The following LAMA5 variants were observed in gnomAD, a reference collection of about 807,000 sequenced individuals.
The protein encoded by LAMA5 is laminin subunit alpha 5.
Under a neutral mutation model 433.4 loss-of-function variants are expected in LAMA5, and 260 were observed. The ratio of observed to expected loss-of-function variants is 0.60; its 90% CI spans 0.54 to 0.66. The LOEUF is 0.66. Among genes scored for constraint, LAMA5 ranks in the 30% least tolerant of loss-of-function variants. The probability of loss-of-function intolerance (pLI) is 0.00; values close to 1 mark genes in which losing one functional copy is unlikely to be tolerated. For missense variants in LAMA5, 5,378 were observed against 5,258.5 expected, an observed-to-expected ratio of 1.02 and a Z score of -0.70; for synonymous variants, 2,620 against 2,226.6, an observed-to-expected ratio of 1.18 and a Z score of -4.97.
intron 18 of LAMA5, among the ~76,000 whole-genome samples, chr20:62,335,914 A>T (rs1244204009): frequency 2.4e-5 from 3 of 126,254 alleles, no homozygotes; most frequent in Non-Finnish European, 4.9e-5. Context: ...AATCCCGAGG[A>T]ACCCCACACC....
intron 2 of LAMA5, among the ~76,000 whole-genome samples, chr20:62,356,018 C>T (rs1055398506): frequency 1.3e-5 from 2 of 152,362 alleles, no homozygotes; most frequent in Non-Finnish European, 2.9e-5. Flanking sequence ...CCTCCCTCCC[C>T]TTCAGCAGGC....
chr20:62,367,106 G>C lies in LAMA5; in HGVS notation c.140C>G (p.Pro47Arg). 1 of 1,277,974 alleles carries C rather than the reference G, an allele frequency of 7.8e-7. No individual in the cohort carries two copies. The highest frequency in any genetic ancestry group is 9.9e-7 in the Non-Finnish European group (1 of 1,015,118). The allele number at this position is 1,277,974 out of a possible 1,614,324, so 79.2% of individuals were successfully genotyped here. A position where few individuals can be genotyped will look rare whatever the true frequency, so the allele number is the denominator to read the frequency against. ...GCCCTCGGCCAGGTTGAAGTAGGGC[G>C]GGTGCAGGCTGAAGCCGCCGCCCGC... ...EEAGGGFSLH[P>R]PYFNLAEGAR... The change falls in exon 1 of 80, where the codon CCG becomes CGG. Residue 47 changes from proline (P) to arginine (R), a missense_variant. Physicochemically the swap from Pro to Arg is moderately radical, Grantham distance 103 (BLOSUM62 -2). Transcript: ENST00000252999.
At chr20:62,349,991 T>C (rs1173554279) in intron 6 of LAMA5, among the ~76,000 whole-genome samples, 2 of 151,378 alleles carry the variant, frequency 1.3e-5, no homozygotes, top group Admixed American at 6.6e-5. Flanking sequence ...AGGGAGAACA[T>C]GGGCAGGCTA....
At position 62,323,670 on chromosome 20, in the gene LAMA5, C is replaced by A. The variant is rs752532791; in HGVS notation, c.5850G>T (p.Arg1950=). Residue 1950 remains arginine (R), a splice_region_variant and synonymous_variant, in exon 45 of 80, where the codon CGG becomes CGT. Coordinates refer to ENST00000252999, the MANE Select transcript of LAMA5 (RefSeq NM_005560.6). The part of the protein sequence containing the change: ...KPGYAGASCE[R]CAPGFFGNPL... ...GGTTCCCAAAGAATCCGGGCGCACA[C>A]CTGGGAGCAGGGTGGGGAGGGGCCG... 6 of 1,606,112 alleles carry A rather than the reference C, an allele frequency of 3.7e-6. No individual in the cohort carries two copies. The South Asian group carries it at 6.6e-5, about 18-fold the overall frequency.
intron 16 of LAMA5, 46 bp from the exon 17 acceptor site, chr20:62,336,832 C>T (rs767283199): frequency 3.1e-6 from 5 of 1,597,960 alleles, no homozygotes; most frequent in East Asian, 4.5e-5. Context: ...GTGACCAACC[C>T]GGAAGGCCAA....
Position 62,310,212 on chromosome 20 carries a change from G to T in LAMA5, c.10700C>A (p.Pro3567His). 4 of 1,612,552 alleles carry T rather than the reference G, an allele frequency of 2.5e-6. No homozygotes were observed. The highest frequency in any genetic ancestry group is 2.5e-6 in the Non-Finnish European group (3 of 1,179,940). The change falls in exon 77 of 80, where the codon CCC becomes CAC. Residue 3567 changes from proline to histidine, a missense_variant. Transcript: ENST00000252999. The part of the protein sequence containing the change: ...LIFHLGQART[P>H]PYLQLQVTEK... ...GGTCACCTGCAACTGCAAGTAGGGGGGCGTCCGGGCCTGGCCCAAGTGGAA... is the reference window on the plus strand; with the variant it reads ...GGTCACCTGCAACTGCAAGTAGGGGTGCGTCCGGGCCTGGCCCAAGTGGAA...
At chr20:62,329,395 G>A (rs1568934322) in intron 32 of LAMA5, 142 bp from the exon 33 acceptor site, 1 of 649,238 alleles carries the variant, frequency 1.5e-6, no homozygotes, top group Non-Finnish European at 2.7e-6. Context: ...CCAGCCCTGG[G>A]CCCTGGCTGC....
At chr20:62,343,862 G>A (rs1318114295) in intron 11 of LAMA5, among the ~76,000 whole-genome samples, 1 of 147,144 alleles carries the variant, frequency 6.8e-6, no homozygotes, top group African/African-American at 2.5e-5. Flanking sequence ...ACACAATATC[G>A]TGCCAGGCAT....
chr20:62,352,289 T>C lies in LAMA5; in HGVS notation c.640A>G (p.Ile214Val), dbSNP rs1372198245. 1.2e-6 allele frequency: 2 copies of C among 1,600,474 alleles called. No individual in the cohort carries two copies. Among genetic ancestry groups the C allele is most frequent in the African/African-American group, 1.3e-5 (1 of 75,008 alleles). The change falls in exon 4 of 80, where the codon ATC (isoleucine) becomes GTC (valine). Residue 214 changes from isoleucine (I) to valine (V), a missense_variant. Ile to Val is a conservative substitution (Grantham distance 29). Transcript: ENST00000252999. ...LERITRDDAA[I>V]CTTEYSRIVP... ...ATGCGTGAGTACTCGGTGGTGCAGA[T>C]GGCCGCGTCGTCCCGTGTGATGCGC... is the stretch of plus-strand genomic sequence containing the variant.
In LAMA5 at chr20:62,322,180, G is replaced by A. The variant is rs1196155918; in HGVS notation, c.6347-12C>T. On this transcript the variant is annotated splice_polypyrimidine_tract_variant and intron_variant, in intron 47 of 79. Transcript: ENST00000252999. ...AGGGCACTGGCAGCCTGTGGTGGGG[G>A]GCTTGGGTGAGCATGGCTGGCCTGG... The A allele has an allele frequency of 3.2e-6, 5 of 1,586,256 alleles. No individual in the cohort carries two copies. The South Asian group carries it at 4.5e-5, about 14-fold the overall frequency.
intron 50 of LAMA5, 101 bp from the exon 51 acceptor site, chr20:62,319,896 G>C: frequency 1.3e-6 from 1 of 786,076 alleles, no homozygotes. Context: ...TCCCAGGGAA[G>C]AGGGGCCCCT....
At chr20:62,337,169 C>G (rs920611512) in intron 16 of LAMA5, among the ~76,000 whole-genome samples, 4 of 151,914 alleles carry the variant, frequency 2.6e-5, no homozygotes, top group African/African-American at 9.7e-5. Flanking sequence ...ACTTGAGACA[C>G]GCGATACGCG....
In LAMA5 at chr20:62,309,222, A is replaced by G; in HGVS notation, c.*114T>C. 9.5e-7 allele frequency: 1 copy of G among 1,053,146 alleles called. No homozygotes were observed. The highest frequency in any genetic ancestry group is 1.3e-6 in the Non-Finnish European group (1 of 756,832). 65.2% of individuals were successfully genotyped at this position (1,053,146 alleles called of 1,614,324 possible). On this transcript the variant is annotated 3_prime_UTR_variant, in exon 80 of 80. Transcript: ENST00000252999. Reference sequence around the variant, plus strand: ...GCTATAACTTAAACCATCTTCAGAAACAAGATCTGTCACCCGTAGAGCTTA... The same window carrying G: ...GCTATAACTTAAACCATCTTCAGAAGCAAGATCTGTCACCCGTAGAGCTTA...
chr20:62,349,942 C>A (rs1004343928), intron 6 of LAMA5, among the ~76,000 whole-genome samples: 3 of 149,708 alleles, frequency 2.0e-5, no homozygotes, highest in African/African-American at 7.4e-5. Flanking sequence ...ATGGAGCCCC[C>A]TTCCCTGGAG....
Position 62,311,258 on chromosome 20 carries a change from G to C in LAMA5, c.9992C>G (p.Pro3331Arg). The C allele has an allele frequency of 6.2e-7, 1 of 1,605,916 alleles. No homozygotes were observed. Among genetic ancestry groups the C allele is most frequent in the Non-Finnish European group, 8.5e-7 (1 of 1,177,440 alleles). ...GTCTCGGGTGGTCCTGAGGTGTGGG[G>C]GCAGCATGCAGGCAGGATGCCGGGC... Reference protein sequence around the residue: ...QPARHPACMLPPHLRTTRDSY... With the variant: ...QPARHPACMLRPHLRTTRDSY... The change falls in exon 73 of 80, where the codon CCC becomes CGC. Residue 3331 changes from proline (P) to arginine (R), a missense_variant. Transcript: ENST00000252999.
chr20:62,329,007 G>C lies in LAMA5; in HGVS notation c.4284C>G (p.Ser1428=). The change falls in exon 34 of 80, where the codon TCC becomes TCG. Residue 1428 remains serine (S), a synonymous_variant. Coordinates refer to ENST00000252999, the MANE Select transcript of LAMA5 (RefSeq NM_005560.6). ...GACGGGCTCCGTTGTTATAGAAGAG[G>C]GAGAGGGAAGCAGCAGCGTTTCGGC... ...LFCRNAAASL[S]LFYNNGARPC... 6.2e-7 allele frequency: 1 copy of C among 1,612,742 alleles called. No individual in the cohort carries two copies. Among genetic ancestry groups the C allele is most frequent in the Non-Finnish European group, 8.5e-7 (1 of 1,179,874 alleles).
rs367932546 is a variant in LAMA5, at chr20:62,322,093, C to A, written c.6422G>T (p.Arg2141Leu). The change falls in exon 48 of 80, where the codon CGC becomes CTC. Residue 2141 changes from arginine to leucine, a missense_variant. Transcript: ENST00000252999. Reference sequence around the variant, plus strand: ...ATGCTGCTGGCTGCAGGTGTCGCAGCGCTCCCCGCTGAGCCCCGGGGGGCA... The same window carrying A: ...ATGCTGCTGGCTGCAGGTGTCGCAGAGCTCCCCGCTGAGCCCCGGGGGGCA... The part of the protein sequence containing the change: ...CNCPPGLSGE[R>L]CDTCSQQHQV... 1.2e-4 allele frequency: 190 copies of A among 1,601,878 alleles called. No homozygotes were observed. The highest frequency in any genetic ancestry group is 1.2e-4 in the Non-Finnish European group (138 of 1,179,256).
At chr20:62,335,909 C>T (rs372156968) in intron 18 of LAMA5, among the ~76,000 whole-genome samples, 15 of 140,568 alleles carry the variant, frequency 1.1e-4, no homozygotes, top group African/African-American at 4.0e-4. Flanking sequence ...GGTGCAATCC[C>T]GAGGAACCCC....
intron 38 of LAMA5, 111 bp downstream of exon 38, chr20:62,327,122 G>A: frequency 8.4e-7 from 1 of 1,193,126 alleles, no homozygotes. Flanking sequence ...CACCCTCACG[G>A]ACCCCCATGG....
Sources: gnomAD v4.1 joint callset for allele counts (sites outside exome capture counted in the v4.1 genomes callset) on GRCh38, gnomAD v4.1.1 for gene constraint, MANE v1.5 for transcripts, NCBI Gene and HGNC (gene_info 2026-07-23, HGNC 2026-07-21) for gene names.